FAM91A1: variants seen among roughly 807,000 people sequenced by gnomAD.
FAM91A1 encodes the protein protein FAM91A1.
In FAM91A1, 41 loss-of-function variants were observed where a neutral mutation model predicts 113.5. The observed-to-expected ratio is 0.36, with a 90% CI of 0.28 to 0.47. FAM91A1 has a LOEUF of 0.47. Ranked by LOEUF, FAM91A1 falls within the 20% of genes least tolerant of loss-of-function variation. The probability of loss-of-function intolerance (pLI) is 1.00; values close to 1 mark genes in which losing one functional copy is unlikely to be tolerated. For synonymous variants in FAM91A1, 307 were observed against 347.9 expected, an observed-to-expected ratio of 0.88 and a Z score of 1.31; for missense variants, 696 against 1,001.2, an observed-to-expected ratio of 0.70 and a Z score of 4.11.
At position 123,792,732 on chromosome 8, in the gene FAM91A1, C is replaced by T. The variant is rs184269621; in HGVS notation, c.1411+2987C>T. On this transcript the variant is annotated intron_variant, in intron 15 of 23. Transcript: ENST00000334705. ...TTGACATTGATAATGTTGAATTTTG[C>T]CTGAGGGTTAAGACGTCCCTTCACT... 4.6e-5 allele frequency among the ~76,000 whole-genome samples: 7 copies of T among 152,198 alleles called. No individual in the cohort carries two copies. In the East Asian group the frequency reaches 1.4e-3, roughly 29 times the overall value.
chr8:123,784,899 A>G (rs1182049207), intron 9 of FAM91A1, 182 bp from the exon 10 acceptor site: 3 of 487,388 alleles, frequency 6.2e-6, no homozygotes, highest in East Asian at 6.9e-5. Flanking sequence ...CACTCCATGG[A>G]TTTGTACTAT....
intron 8 of FAM91A1, among the ~76,000 whole-genome samples, chr8:123,781,474 ATTT>A (rs35842167): frequency 4.9e-5 from 6 of 121,240 alleles, no homozygotes; most frequent in Admixed American, 8.5e-5. Context: ...GCATATGTGA[ATTT>A]TTTTTTTTTT....
chr8:123,805,938 TTATA>T, intron 19 of FAM91A1, 138 bp from the exon 20 acceptor site: 2 of 746,922 alleles, frequency 2.7e-6, no homozygotes, highest in South Asian at 5.1e-5. Context: ...AATGACAACT[TTATA>T]TATTTCTTTT....
chr8:123,791,465 T>G (rs1160878025), intron 15 of FAM91A1, among the ~76,000 whole-genome samples: 1 of 152,144 alleles, frequency 6.6e-6, no homozygotes, highest in Non-Finnish European at 1.5e-5. Context: ...AAACCTATTC[T>G]CTATGAAAAT....
In FAM91A1 at chr8:123,806,236, CAATAG is replaced by C. The variant is rs1235765296; in HGVS notation, c.2032+8_2032+12del. On this transcript the variant is annotated splice_region_variant and intron_variant, in intron 20 of 23. Transcript: ENST00000334705. ...GATGCTTCTGATGAGAGAGGTTAGC[CAATAG>C]TTGGATTCTTTGGATTAAGATAATT... 3 of 1,604,584 alleles carry C rather than the reference CAATAG, an allele frequency of 1.9e-6. No homozygotes were observed. Among genetic ancestry groups the C allele is most frequent in the Non-Finnish European group, 2.6e-6 (3 of 1,174,442 alleles).
intron 15 of FAM91A1, among the ~76,000 whole-genome samples, chr8:123,794,300 G>T (rs1407577612): frequency 6.6e-6 from 1 of 152,048 alleles, no homozygotes; most frequent in African/African-American, 2.4e-5. Context: ...AAGTTACATA[G>T]GTCATGTATG....
intron 8 of FAM91A1, among the ~76,000 whole-genome samples, chr8:123,783,998 G>C (rs1188328112): frequency 6.6e-6 from 1 of 152,236 alleles, no homozygotes; most frequent in African/African-American, 2.4e-5. Context: ...GAGTAGGGAT[G>C]ATGGGGAGAC....
intron 1 of FAM91A1, among the ~76,000 whole-genome samples, chr8:123,772,414 A>G (rs1814871470): frequency 6.6e-6 from 1 of 152,164 alleles, no homozygotes; most frequent in Admixed American, 6.5e-5. Flanking sequence ...GCTATTTTGA[A>G]TCCTCTAAAT....
intron 15 of FAM91A1, among the ~76,000 whole-genome samples, chr8:123,791,098 A>G (rs1263009405): frequency 6.6e-6 from 1 of 152,210 alleles, no homozygotes. Flanking sequence ...CTTGAAATAC[A>G]TTGTCCTTTC....
intron 15 of FAM91A1, among the ~76,000 whole-genome samples, chr8:123,794,766 A>G (rs1480126377): frequency 6.6e-6 from 1 of 152,228 alleles, no homozygotes; most frequent in East Asian, 1.9e-4. Context: ...GCCACTAGTG[A>G]TGCTGGAAAT....
chr8:123,800,674 C>T (rs374560316), intron 18 of FAM91A1, among the ~76,000 whole-genome samples: 79 of 152,206 alleles, frequency 5.2e-4, no homozygotes, highest in African/African-American at 1.8e-3. Context: ...ATTTTCTCCC[C>T]GCTACTCATC....
chr8:123,795,810 G>A (rs1467249836), intron 15 of FAM91A1, among the ~76,000 whole-genome samples: 1 of 152,178 alleles, frequency 6.6e-6, no homozygotes, highest in Non-Finnish European at 1.5e-5. Flanking sequence ...TTTAAGGCAG[G>A]AAGGGGCAGG....
intron 18 of FAM91A1, among the ~76,000 whole-genome samples, chr8:123,800,895 A>C (rs1815660896): frequency 6.6e-6 from 1 of 152,104 alleles, no homozygotes; most frequent in African/African-American, 2.4e-5. Flanking sequence ...CATTTTATGG[A>C]TATGCCACAT....
chr8:123,771,215 G>A (rs924429537), intron 1 of FAM91A1, among the ~76,000 whole-genome samples: 2 of 152,048 alleles, frequency 1.3e-5, no homozygotes, highest in African/African-American at 2.4e-5. Flanking sequence ...AGCTTACCCC[G>A]CTATGGTGCA....
rs778789013 is a variant in FAM91A1 at position 123,778,677 on chromosome 8, A to G, written c.454A>G (p.Thr152Ala). ...RSSKKFFRRK[T>A]ARDLLPIKPV... ...ATTGCAGAAATTCTTCAGAAGGAAA[A>G]CAGCCCGTGATCTTCTACCAATAAA... The change falls in exon 6 of 24, where the codon ACA becomes GCA. Residue 152 changes from threonine to alanine, a missense_variant. By Grantham distance (58) the Thr-to-Ala change is moderately conservative (BLOSUM62 0). Transcript: ENST00000334705. 1 of 1,610,624 alleles carries G rather than the reference A, an allele frequency of 6.2e-7. No homozygotes were observed. The highest frequency in any genetic ancestry group is 8.5e-7 in the Non-Finnish European group (1 of 1,179,080).
In FAM91A1 at chr8:123,812,695, T is replaced by C. The variant is rs750267042; in HGVS notation, c.2508T>C (p.His836=). 1 of 1,575,226 alleles carries C rather than the reference T, an allele frequency of 6.3e-7. No homozygotes were observed. The highest frequency in any genetic ancestry group is 1.9e-5 in the Admixed American group (1 of 51,978). The stretch of plus-strand genomic sequence containing the variant: ...CCTCACTTCTTATTGCTAATCTCCA[T>C]TTGCAATAATTTGGTTACACCATTT... The part of the protein sequence containing the change: ...SPSSLLIANL[H]LQ The change falls in exon 24 of 24, where the codon CAT becomes CAC. Residue 836 remains histidine (H), a synonymous_variant. Coordinates refer to ENST00000334705, the MANE Select transcript of FAM91A1 (RefSeq NM_144963.4).
intron 1 of FAM91A1, among the ~76,000 whole-genome samples, chr8:123,772,347 TC>T (rs1373326929): frequency 6.6e-6 from 1 of 152,230 alleles, no homozygotes; most frequent in African/African-American, 2.4e-5. Context: ...GTATTTGTGT[TC>T]CCTGAGAAAG....
intron 10 of FAM91A1, 115 bp downstream of exon 10, chr8:123,785,234 G>C (rs150398380): frequency 2.0e-5 from 18 of 913,660 alleles, no homozygotes; most frequent in Non-Finnish European, 2.6e-5. Flanking sequence ...GTTGTTAGCT[G>C]TCTGAGAGAA....
At position 123,778,100 on chromosome 8, in the gene FAM91A1, A is replaced by G. The variant is rs1352471213; in HGVS notation, c.435+8A>G. The G allele has an allele frequency of 6.3e-7, 1 of 1,595,772 alleles. No homozygotes were observed. The highest frequency in any genetic ancestry group is 1.4e-5 in the African/African-American group (1 of 73,868). On this transcript the variant is annotated splice_region_variant and intron_variant, in intron 5 of 23. Transcript: ENST00000334705. ...CAGTGTAGATCATCAAAAGTAAGTT[A>G]GTACTTTCTTTTTCATTGTTTTGGC...
Sources: allele counts gnomAD v4.1 joint callset (sites outside exome capture counted in the v4.1 genomes callset), GRCh38; gene constraint gnomAD v4.1.1; transcripts MANE v1.5; gene names NCBI Gene and HGNC (gene_info 2026-07-23, HGNC 2026-07-21).